Variants in CLEC2D observed in about 807,000 individuals in gnomAD.
CLEC2D encodes the protein C-type lectin related f.
Under a neutral mutation model 20.0 loss-of-function variants are expected in CLEC2D, and 16 were observed. That is an observed-to-expected ratio of 0.80 (90% CI 0.54 to 1.22). The LOEUF is 1.22. Ranked by LOEUF, CLEC2D falls within the 50% of genes most tolerant of loss-of-function variation. CLEC2D has a pLI of 0.00. For missense variants in CLEC2D, 207 were observed against 221.5 expected, an observed-to-expected ratio of 0.93 and a Z score of 0.42; for synonymous variants, 77 against 71.1, an observed-to-expected ratio of 1.08 and a Z score of -0.42.
At chr12:9,692,101 CTT>C (rs1565470912) in intron 3 of CLEC2D, among the ~76,000 whole-genome samples, 84 of 152,114 alleles carry the variant, frequency 5.5e-4, no homozygotes, top group South Asian at 1.9e-3. Flanking sequence ...CTTTCTCTTT[CTT>C]TCTTTCTTTC....
At chr12:9,682,527 A>T (rs994560010) in intron 2 of CLEC2D, among the ~76,000 whole-genome samples, 1 of 151,664 alleles carries the variant, frequency 6.6e-6, no homozygotes, top group Non-Finnish European at 1.5e-5. Flanking sequence ...TTGCCCCCCA[A>T]CCCTCAACAC....
In CLEC2D at chr12:9,687,946, G is replaced by A; in HGVS notation, c.217G>A (p.Ala73Thr). 1 of 1,610,670 alleles carries A rather than the reference G, an allele frequency of 6.2e-7. No homozygotes were observed. Among genetic ancestry groups the A allele is most frequent in the Non-Finnish European group, 8.5e-7 (1 of 1,178,290 alleles). ...TCAAGAGCCATCAGTATGTCTTCAA[G>A]CTGCATGCCCAGAAAGCTGGATTGG... ...CHQEPSVCLQ[A>T]ACPESWIGFQ... The change falls in exon 3 of 5, where the codon GCT (alanine) becomes ACT (threonine). Residue 73 changes from alanine to threonine, a missense_variant. By Grantham distance (58) the Ala-to-Thr change is moderately conservative. Coordinates refer to ENST00000290855, the MANE Select transcript of CLEC2D (RefSeq NM_013269.6).
intron 4 of CLEC2D, chr12:9,693,941 G>A: frequency 6.8e-6 from 2 of 296,168 alleles, no homozygotes; most frequent in South Asian, 2.8e-5. Context: ...GAGTAGCTGG[G>A]ACTACAGGTG....
chr12:9,694,726 C>T lies in CLEC2D; in HGVS notation c.462-34C>T, dbSNP rs751193536. On this transcript the variant is annotated intron_variant, in intron 4 of 4. Coordinates refer to ENST00000290855, the MANE Select transcript of CLEC2D (RefSeq NM_013269.6). ...TTCTCTCTGCTGTTGAAGAAATGTT[C>T]AGTGGCCAACTGATTCTGCTTCTTC... is the stretch of plus-strand genomic sequence containing the variant. 4 of 1,109,050 alleles carry T rather than the reference C, an allele frequency of 3.6e-6. No homozygotes were observed. The Admixed American group carries it at 5.1e-5, about 14-fold the overall frequency. The allele number at this position is 1,109,050 out of a possible 1,614,324, so 68.7% of individuals were successfully genotyped here. A position where few individuals can be genotyped will look rare whatever the true frequency, so the allele number is the denominator to read the frequency against.
At chr12:9,683,430 A>T (rs1156386687) in intron 2 of CLEC2D, among the ~76,000 whole-genome samples, 3 of 147,516 alleles carry the variant, frequency 2.0e-5, no homozygotes, top group Non-Finnish European at 3.0e-5. Context: ...TGGTGTTTTA[A>T]TCATAAAACC....
chr12:9,692,789 T>A, intron 3 of CLEC2D, 39 bp from the exon 4 acceptor site: 1 of 1,381,770 alleles, frequency 7.2e-7, no homozygotes, highest in Non-Finnish European at 1.0e-6. Context: ...GGATGGGTTA[T>A]GTTAGATTAA....
At chr12:9,694,316 A>G (rs1865932039) in intron 4 of CLEC2D, among the ~76,000 whole-genome samples, 1 of 152,184 alleles carries the variant, frequency 6.6e-6, no homozygotes, top group African/African-American at 2.4e-5. Context: ...TATCTGTGCC[A>G]AGCCATCTAA....
Position 9,696,232 on chromosome 12 carries a change from GA to G in CLEC2D, c.*1362del, listed in dbSNP as rs1471757091. 2.4e-6 allele frequency: 2 copies of G among 822,296 alleles called. No homozygotes were observed. The highest frequency in any genetic ancestry group is 1.3e-5 in the South Asian group (1 of 75,214). The allele number at this position is 822,296 out of a possible 1,614,324, so 50.9% of individuals were successfully genotyped here. ...CTGGCAGTGGAGGAAGTCTCTTTAA[GA>G]AAATAGTTTAAACAATTTGTTAAAA... is the stretch of plus-strand genomic sequence containing the variant. On this transcript the variant is annotated 3_prime_UTR_variant, in exon 5 of 5. Transcript: ENST00000290855.
chr12:9,676,361 T>G (rs1421329077), intron 1 of CLEC2D, among the ~76,000 whole-genome samples: 1 of 152,178 alleles, frequency 6.6e-6, no homozygotes, highest in Non-Finnish European at 1.5e-5. Flanking sequence ...AAATCTGTGT[T>G]GAATTTTGTT....
chr12:9,671,459 A>G (rs1338684024), intron 1 of CLEC2D, among the ~76,000 whole-genome samples: 2 of 152,010 alleles, frequency 1.3e-5, no homozygotes, highest in Non-Finnish European at 2.9e-5. Context: ...TGACTTTGTG[A>G]TCCGCCCGCC....
At chr12:9,685,616 G>T (rs767852708) in intron 2 of CLEC2D, among the ~76,000 whole-genome samples, 1 of 152,120 alleles carries the variant, frequency 6.6e-6, no homozygotes, top group Non-Finnish European at 1.5e-5. Flanking sequence ...GGTGGGCTCC[G>T]CCCAGTCCGA....
At position 9,698,151 on chromosome 12, in the gene CLEC2D, T is replaced by G. The variant is rs941812665; in HGVS notation, c.*3277T>G. 2.6e-5 allele frequency: 4 copies of G among 152,250 alleles called. No individual in the cohort carries two copies. The highest frequency in any genetic ancestry group is 5.9e-5 in the Non-Finnish European group (4 of 68,040). 9.4% of individuals were successfully genotyped at this position (152,250 alleles called of 1,614,324 possible). ...ATAATTATGGAATACAATGTGATGT[T>G]CTGATATATGTGTACACTATGGAAT... is the stretch of plus-strand genomic sequence containing the variant. On this transcript the variant is annotated 3_prime_UTR_variant, in exon 5 of 5. Transcript: ENST00000290855.
At chr12:9,692,131 C>T (rs537255853) in intron 3 of CLEC2D, among the ~76,000 whole-genome samples, 2 of 151,482 alleles carry the variant, frequency 1.3e-5, no homozygotes, top group Admixed American at 6.6e-5. Flanking sequence ...TTCTTTCGTT[C>T]GTTCGTTCGT....
Position 9,698,138 on chromosome 12 carries a change from T to C in CLEC2D, c.*3264T>C, listed in dbSNP as rs909153999. On this transcript the variant is annotated 3_prime_UTR_variant, in exon 5 of 5. Transcript: ENST00000290855. ...AGCTGACAACTGTATAATTATGGAATACAATGTGATGTTCTGATATATGTG... is the reference window on the plus strand; with the variant it reads ...AGCTGACAACTGTATAATTATGGAACACAATGTGATGTTCTGATATATGTG... 2 of 152,220 alleles carry C rather than the reference T, an allele frequency of 1.3e-5. No homozygotes were observed. Among genetic ancestry groups the C allele is most frequent in the African/African-American group, 2.4e-5 (1 of 41,452 alleles). The allele number at this position is 152,220 out of a possible 1,614,324, so 9.4% of individuals were successfully genotyped here.
chr12:9,695,049 T>C lies in CLEC2D; in HGVS notation c.*175T>C. On this transcript the variant is annotated 3_prime_UTR_variant, in exon 5 of 5. Coordinates refer to ENST00000290855, the MANE Select transcript of CLEC2D (RefSeq NM_013269.6). ...CATAGTAAAATATTACCTGTTTTCA[T>C]GGTGCTAATATTACCTGTTCTCCCA... The C allele has an allele frequency of 1.7e-6, 1 of 591,672 alleles. No homozygotes were observed. The highest frequency in any genetic ancestry group is 1.9e-5 in the African/African-American group (1 of 53,662). The allele number at this position is 591,672 out of a possible 1,614,324, so 36.7% of individuals were successfully genotyped here. A position where few individuals can be genotyped will look rare whatever the true frequency, so the allele number is the denominator to read the frequency against.
Position 9,698,348 on chromosome 12 carries a change from C to T in CLEC2D, c.*3474C>T, listed in dbSNP as rs1451662374. ...GCTTATTCCTCTTAACTGAAACCTA[C>T]TACCCTGTGACATGTGGGGAACATC... On this transcript the variant is annotated 3_prime_UTR_variant, in exon 5 of 5. Transcript: ENST00000290855. 1 of 152,188 alleles carries T rather than the reference C, an allele frequency of 6.6e-6. No individual in the cohort carries two copies. Among genetic ancestry groups the T allele is most frequent in the Admixed American group, 6.6e-5 (1 of 15,266 alleles). The allele number at this position is 152,188 out of a possible 1,614,324, so 9.4% of individuals were successfully genotyped here. A position where few individuals can be genotyped will look rare whatever the true frequency, so the allele number is the denominator to read the frequency against.
intron 1 of CLEC2D, among the ~76,000 whole-genome samples, chr12:9,671,631 A>G (rs1565462884): frequency 6.6e-6 from 1 of 152,214 alleles, no homozygotes; most frequent in Non-Finnish European, 1.5e-5. Flanking sequence ...AGAGGGGGAG[A>G]AAAAATAAAC....
In CLEC2D at chr12:9,693,245, GTCC is replaced by G. The variant is rs143831127; in HGVS notation, c.461+319_461+321del. On this transcript the variant is annotated intron_variant, in intron 4 of 4. Transcript: ENST00000290855. ...TCCACAACAAAATTAAATTGCACTT[GTCC>G]TCCTGATTTCACAGGGTTGATGTGA... The G allele has an allele frequency of 2.3e-4, 148 of 654,542 alleles. 1 individual carries two copies. In the East Asian group the frequency reaches 3.8e-3, roughly 17 times the overall value. The allele number at this position is 654,542 out of a possible 1,614,324, so 40.5% of individuals were successfully genotyped here.
At chr12:9,673,419 T>C (rs1319013554) in intron 1 of CLEC2D, among the ~76,000 whole-genome samples, 9 of 152,268 alleles carry the variant, frequency 5.9e-5, no homozygotes, top group Non-Finnish European at 1.2e-4. Context: ...TGCTGCCTGC[T>C]TCTTCCTTCA....
Sources: gnomAD v4.1 joint callset for allele counts (sites outside exome capture counted in the v4.1 genomes callset) on GRCh38, gnomAD v4.1.1 for gene constraint, MANE v1.5 for transcripts, NCBI Gene and HGNC (gene_info 2026-07-23, HGNC 2026-07-21) for gene names.